Variants in KCND2 observed in about 807,000 individuals in gnomAD.
KCND2 encodes A-type voltage-gated potassium channel KCND2.
Under a neutral mutation model 54.4 loss-of-function variants are expected in KCND2, and 16 were observed. The ratio of observed to expected loss-of-function variants is 0.29; its 90% CI spans 0.20 to 0.45. The LOEUF is 0.45. Among genes scored for constraint, KCND2 ranks in the 20% least tolerant of loss-of-function variants. KCND2 has a pLI of 1.00. For missense variants in KCND2, 486 were observed against 824.2 expected (o/e 0.59, Z 5.02); for synonymous variants, 317 against 310.7 (o/e 1.02, Z -0.21).
chr7:120,446,806 G>A (rs998892427), intron 1 of KCND2, among the ~76,000 whole-genome samples: 8 of 152,152 alleles, frequency 5.3e-5, no homozygotes, highest in African/African-American at 1.4e-4. Context: ...TGGGTCTAAC[G>A]TAGCTAATAA....
chr7:120,479,476 G>A (rs1026217199), intron 1 of KCND2, among the ~76,000 whole-genome samples: 5 of 151,540 alleles, frequency 3.3e-5, no homozygotes, highest in African/African-American at 1.2e-4. Context: ...TAAAATTTCA[G>A]CTTTCTTGTA....
At chr7:120,529,773 T>A (rs1208592275) in intron 1 of KCND2, among the ~76,000 whole-genome samples, 2 of 151,662 alleles carry the variant, frequency 1.3e-5, no homozygotes, top group Non-Finnish European at 2.9e-5. Context: ...CAAAAAGGAG[T>A]CTATCCATGT....
intron 1 of KCND2, among the ~76,000 whole-genome samples, chr7:120,577,602 T>C (rs996059053): frequency 2.0e-5 from 3 of 152,164 alleles, no homozygotes; most frequent in African/African-American, 4.8e-5. Context: ...TTGTTTTGTT[T>C]AGAGATGGAG....
At chr7:120,349,670 A>G (rs1381141323) in intron 1 of KCND2, among the ~76,000 whole-genome samples, 3 of 152,202 alleles carry the variant, frequency 2.0e-5, no homozygotes, top group African/African-American at 2.4e-5. Context: ...ATACCATGCA[A>G]GTTAATTCAT....
At chr7:120,278,266 T>C (rs1799208148) in intron 1 of KCND2, among the ~76,000 whole-genome samples, 1 of 151,938 alleles carries the variant, frequency 6.6e-6, no homozygotes, top group Admixed American at 6.6e-5. Flanking sequence ...ATACAAAATA[T>C]TCAATAAAAG....
chr7:120,733,771 A>G (rs1430163271), intron 2 of KCND2, among the ~76,000 whole-genome samples: 1 of 152,114 alleles, frequency 6.6e-6, no homozygotes, highest in Non-Finnish European at 1.5e-5. Flanking sequence ...ATGCCAGGTA[A>G]TTAATCCCTC....
At chr7:120,687,322 T>G (rs986660472) in intron 1 of KCND2, among the ~76,000 whole-genome samples, 8 of 152,076 alleles carry the variant, frequency 5.3e-5, no homozygotes, top group African/African-American at 1.9e-4. Context: ...AAACTTTCAG[T>G]TATGGTAGAT....
intron 1 of KCND2, among the ~76,000 whole-genome samples, chr7:120,400,015 C>T (rs1268088938): frequency 2.6e-5 from 4 of 152,136 alleles, no homozygotes; most frequent in Non-Finnish European, 2.9e-5. Flanking sequence ...CATGAGCCAC[C>T]GCACCCGGCC....
intron 1 of KCND2, among the ~76,000 whole-genome samples, chr7:120,460,906 TA>T (rs1802275012): frequency 6.6e-6 from 1 of 152,206 alleles, no homozygotes. Context: ...ACCATTAGAA[TA>T]AATTAATACC....
At chr7:120,691,099 G>A (rs1363613429) in intron 1 of KCND2, among the ~76,000 whole-genome samples, 1 of 152,218 alleles carries the variant, frequency 6.6e-6, no homozygotes, top group Non-Finnish European at 1.5e-5. Flanking sequence ...CCAAGGAGTT[G>A]TGCTAACACT....
intron 1 of KCND2, among the ~76,000 whole-genome samples, chr7:120,693,082 G>A (rs1240683820): frequency 6.6e-6 from 1 of 152,196 alleles, no homozygotes; most frequent in Non-Finnish European, 1.5e-5. Flanking sequence ...AGGTTGTGAT[G>A]TCCCTTATTC....
At chr7:120,695,548 A>G (rs1792322857) in intron 1 of KCND2, among the ~76,000 whole-genome samples, 1 of 152,146 alleles carries the variant, frequency 6.6e-6, no homozygotes, top group African/African-American at 2.4e-5. Flanking sequence ...GTTAGATTTA[A>G]ATTAGTGTGT....
intron 1 of KCND2, among the ~76,000 whole-genome samples, chr7:120,307,891 A>G (rs1264040606): frequency 1.3e-5 from 2 of 152,138 alleles, no homozygotes; most frequent in African/African-American, 2.4e-5. Context: ...ATAGGAAATA[A>G]CTGCTTTTTT....
chr7:120,599,418 G>A (rs1426273327), intron 1 of KCND2, among the ~76,000 whole-genome samples: 1 of 151,970 alleles, frequency 6.6e-6, no homozygotes, highest in Non-Finnish European at 1.5e-5. Flanking sequence ...TGACAGGCTT[G>A]GGGAGTTGGT....
At chr7:120,718,256 A>G (rs1453649200) in intron 1 of KCND2, among the ~76,000 whole-genome samples, 1 of 152,196 alleles carries the variant, frequency 6.6e-6, no homozygotes, top group African/African-American at 2.4e-5. Context: ...AAGGAACAGC[A>G]CAACGCTTAA....
intron 1 of KCND2, among the ~76,000 whole-genome samples, chr7:120,682,355 T>G (rs1792150123): frequency 6.6e-6 from 1 of 152,108 alleles, no homozygotes; most frequent in African/African-American, 2.4e-5. Context: ...GTCTTTCAGG[T>G]ACATTTTCAG....
At chr7:120,567,825 A>C (rs1417815450) in intron 1 of KCND2, among the ~76,000 whole-genome samples, 2 of 152,152 alleles carry the variant, frequency 1.3e-5, no homozygotes, top group African/African-American at 4.8e-5. Context: ...AAAGAAAACG[A>C]ATCTTTAGGG....
At chr7:120,350,048 TAAA>T (rs1261787067) in intron 1 of KCND2, among the ~76,000 whole-genome samples, 2 of 152,112 alleles carry the variant, frequency 1.3e-5, no homozygotes, top group Non-Finnish European at 2.9e-5. Context: ...TTATATAACA[TAAA>T]GAATGTTTTA....
chr7:120,434,198 A>G (rs1382954499), intron 1 of KCND2, among the ~76,000 whole-genome samples: 1 of 152,218 alleles, frequency 6.6e-6, no homozygotes, highest in Non-Finnish European at 1.5e-5. Context: ...CAGACCTCAC[A>G]ACGTATATAC....
Sources: gnomAD v4.1 joint callset for allele counts (sites outside exome capture counted in the v4.1 genomes callset) on GRCh38, gnomAD v4.1.1 for gene constraint, MANE v1.5 for transcripts, NCBI Gene and HGNC (gene_info 2026-07-23, HGNC 2026-07-21) for gene names.